The following OR52I2 variants were observed in gnomAD, a reference collection of about 807,000 sequenced individuals.
OR52I2 encodes the protein olfactory receptor 52I2.
For synonymous variants in OR52I2, 147 were observed against 151.9 expected (o/e 0.97, Z 0.24); for missense variants, 350 against 402.4 (o/e 0.87, Z 1.11).
chr11:4,588,214 A>AT, exon 2 of OR52I2: 67 of 256,668 alleles, frequency 2.6e-4, no homozygotes, highest in Middle Eastern at 1.3e-3. Flanking sequence ...GACAACAAAG[A>AT]CCGCTCACCA....
rs751825837 is a variant in OR52I2, at chr11:4,587,459, G to A, written c.569G>A (p.Arg190Lys). The A allele has an allele frequency of 5.0e-6, 8 of 1,614,198 alleles. No homozygotes were observed. In the South Asian group the frequency reaches 7.7e-5, roughly 16 times the overall value. Residue 190 changes from arginine to lysine, a missense_variant, in exon 2 of 2, where the codon AGG becomes AAG. Arg to Lys is a conservative substitution (Grantham distance 26). Transcript: ENST00000641896. ...TACTGTGAGCACATAGCTTTGGCCA[G>A]GTTAGCATGTGCTGACCCCGTGCCC...
chr11:4,587,368 A>G (rs1299527948), exon 2 of OR52I2: 10 of 1,613,194 alleles, frequency 6.2e-6, no homozygotes, highest in African/African-American at 1.3e-5. Flanking sequence ...TATCATAGCC[A>G]TAACTCCACT....
At chr11:4,586,797 G>A in intron 1 of OR52I2, 75 bp from the exon 2 acceptor site, 1 of 1,605,940 alleles carries the variant, frequency 6.2e-7, no homozygotes. Flanking sequence ...ATATCCTTAG[G>A]TTTTCCCAGC....
At chr11:4,586,663 T>C (rs1846303623) in intron 1 of OR52I2, 2 of 679,900 alleles carry the variant, frequency 2.9e-6, no homozygotes, top group Admixed American at 5.5e-5. Flanking sequence ...AGGTAAGCCA[T>C]GAGCTGATCC....
exon 2 of OR52I2, chr11:4,587,932 C>T (rs1846321407): frequency 2.3e-6 from 3 of 1,293,856 alleles, no homozygotes; most frequent in Non-Finnish European, 2.2e-6. Flanking sequence ...CTTAGTTTAC[C>T]TGGTGCTACA....
chr11:4,584,516 C>T (rs904414670), intron 1 of OR52I2, among the ~76,000 whole-genome samples: 6 of 152,120 alleles, frequency 3.9e-5, no homozygotes, highest in Non-Finnish European at 5.9e-5. Context: ...TACTTGCCTC[C>T]ACTCCTTAAT....
intron 1 of OR52I2, among the ~76,000 whole-genome samples, chr11:4,583,180 G>A (rs1191007666): frequency 5.3e-5 from 8 of 151,940 alleles, no homozygotes; most frequent in African/African-American, 1.9e-4. Flanking sequence ...AAAAGAAACA[G>A]CCAACAAAAT....
At chr11:4,587,777 T>C (rs777724423) in exon 2 of OR52I2, 6 of 1,614,194 alleles carry the variant, frequency 3.7e-6, no homozygotes, top group Non-Finnish European at 5.1e-6. Flanking sequence ...AATCCCATCA[T>C]CTATGGCATG....
rs753185432 is a variant in OR52I2, at chr11:4,587,440, G to A, written c.550G>A (p.Glu184Lys). ...CAATGTGGTTGTCCACTCCTACTGT[G>A]AGCACATAGCTTTGGCCAGGTTAGC... Residue 184 changes from glutamate (E) to lysine (K), a missense_variant, in exon 2 of 2, where the codon GAG becomes AAG. Glu to Lys is a moderately conservative substitution (Grantham distance 56, BLOSUM62 1). Coordinates refer to ENST00000641896, the Ensembl canonical transcript of OR52I2. 5.6e-5 allele frequency: 90 copies of A among 1,613,928 alleles called. No homozygotes were observed. The highest frequency in any genetic ancestry group is 3.0e-4 in the Admixed American group (18 of 60,004).
chr11:4,582,436 T>C (rs1356034768), intron 1 of OR52I2, among the ~76,000 whole-genome samples: 1,142 of 60,764 alleles, frequency 0.019, 35 homozygotes, highest in African/African-American at 0.057. Flanking sequence ...TATTTTTCAT[T>C]TTTTTTTTTT....
chr11:4,592,089 G>T (rs931278021), exon 2 of OR52I2: 1 of 152,152 alleles, frequency 6.6e-6, no homozygotes, highest in African/African-American at 2.4e-5. Context: ...CCCATTTAAG[G>T]ATGTTATTTG....
chr11:4,592,415 C>T (rs904936647), exon 2 of OR52I2: 1 of 151,982 alleles, frequency 6.6e-6, no homozygotes, highest in African/African-American at 2.4e-5. Context: ...TGATGTGGGA[C>T]CAATAACATA....
exon 2 of OR52I2, chr11:4,588,863 G>A (rs141593675): frequency 6.6e-6 from 1 of 152,320 alleles, no homozygotes; most frequent in African/African-American, 2.4e-5. Flanking sequence ...TCATCTATAA[G>A]ATGTTGATGT....
At chr11:4,586,811 A>G in intron 1 of OR52I2, 61 bp from the exon 2 acceptor site, 1 of 1,611,890 alleles carries the variant, frequency 6.2e-7, no homozygotes, top group East Asian at 2.2e-5. Context: ...TCCCAGCACC[A>G]CATGTGTCAA....
At position 4,587,938 on chromosome 11, in the gene OR52I2, C is replaced by T. The variant is rs1232143079; in HGVS notation, c.*73C>T. The T allele has an allele frequency of 2.2e-5, 27 of 1,217,290 alleles. No homozygotes were observed. The East Asian group carries it at 4.2e-4, about 19-fold the overall frequency. 75.4% of individuals were successfully genotyped at this position (1,217,290 alleles called of 1,614,324 possible). ...TCTGCAGAGCTTAGTTTACCTGGTG[C>T]TACAGGAATTCTAAGATGAAGGTGT... On this transcript the variant is annotated 3_prime_UTR_variant, in exon 2 of 2. Coordinates refer to ENST00000641896, the Ensembl canonical transcript of OR52I2.
In OR52I2 at chr11:4,586,852, C is replaced by G; in HGVS notation, c.-19-20C>G. The G allele has an allele frequency of 1.2e-6, 2 of 1,614,110 alleles. No homozygotes were observed. Among genetic ancestry groups the G allele is most frequent in the East Asian group, 4.5e-5 (2 of 44,884 alleles). On this transcript the variant is annotated intron_variant, in intron 1 of 1. Transcript: ENST00000641896. ...CTTACGGGATTGCATTCTTCTCATACATCATTTGTGCATTAACAGGAAAAA... is the reference window on the plus strand; with the variant it reads ...CTTACGGGATTGCATTCTTCTCATAGATCATTTGTGCATTAACAGGAAAAA...
exon 2 of OR52I2, chr11:4,591,073 T>C (rs1307800780): frequency 6.6e-6 from 1 of 152,174 alleles, no homozygotes; most frequent in Non-Finnish European, 1.5e-5. Context: ...CCATCAGTGC[T>C]AGGCTCTGTA....
chr11:4,585,673 G>C (rs1029245551), intron 1 of OR52I2, among the ~76,000 whole-genome samples: 15 of 152,304 alleles, frequency 9.8e-5, no homozygotes, highest in Admixed American at 2.0e-4. Context: ...CTGGCCAAGT[G>C]AAACCCCTAA....
chr11:4,590,968 G>C (rs756523721), exon 2 of OR52I2: 1 of 152,084 alleles, frequency 6.6e-6, no homozygotes, highest in Non-Finnish European at 1.5e-5. Context: ...GTTTCATATA[G>C]ATCACAGTCT....
Sources: allele counts gnomAD v4.1 joint callset (sites outside exome capture counted in the v4.1 genomes callset), GRCh38; gene constraint gnomAD v4.1.1; transcripts MANE v1.5; gene names NCBI Gene and HGNC (gene_info 2026-07-23, HGNC 2026-07-21).